CACNA2D3: variants seen among roughly 807,000 people sequenced by gnomAD.
CACNA2D3 encodes calcium voltage-gated channel auxiliary subunit alpha2delta 3, also known as voltage-dependent calcium channel subunit alpha-2/delta-3.
CACNA2D3 carries 60 observed loss-of-function variants against 160.6 expected under a neutral mutation model. That is an observed-to-expected ratio of 0.37 (90% CI 0.30 to 0.46). CACNA2D3 has a LOEUF of 0.46. Among genes scored for constraint, CACNA2D3 ranks in the 20% least tolerant of loss-of-function variants. CACNA2D3 has a pLI of 1.00. For synonymous variants in CACNA2D3, 558 were observed against 492.9 expected, an observed-to-expected ratio of 1.13 and a Z score of -1.75; for missense variants, 1,205 against 1,365.0, an observed-to-expected ratio of 0.88 and a Z score of 1.85.
At chr3:54,803,304 A>C (rs1575483680) in intron 13 of CACNA2D3, among the ~76,000 whole-genome samples, 2 of 152,296 alleles carry the variant, frequency 1.3e-5, no homozygotes, top group Admixed American at 1.3e-4. Context: ...AGAAGTTGAA[A>C]ACTTTGAAAA....
chr3:54,631,203 A>AAC (rs67944483), intron 10 of CACNA2D3, among the ~76,000 whole-genome samples: 18,844 of 145,648 alleles, frequency 0.13, 1,212 homozygotes, highest in Non-Finnish European at 0.15. Flanking sequence ...GACTCCATCA[A>AAC]ACACACACAC....
intron 3 of CACNA2D3, among the ~76,000 whole-genome samples, chr3:54,366,065 A>G (rs1296899852): frequency 1.3e-5 from 2 of 152,180 alleles, no homozygotes; most frequent in African/African-American, 4.8e-5. Flanking sequence ...TGATGTTTAC[A>G]ATATAATACA....
At chr3:54,149,932 C>CTCCCTCCCTCT (rs1559863353) in intron 2 of CACNA2D3, among the ~76,000 whole-genome samples, 7 of 23,808 alleles carry the variant, frequency 2.9e-4, no homozygotes, top group Non-Finnish European at 4.9e-4. Flanking sequence ...TCTCTCTCTC[C>CTCCCTCCCTCT]CTCCCTCCCT....
intron 20 of CACNA2D3, among the ~76,000 whole-genome samples, 169 bp downstream of exon 20, chr3:54,879,580 G>T (rs80108014): frequency 0.059 from 8,912 of 152,100 alleles, 797 homozygotes; most frequent in African/African-American, 0.2. Context: ...TTTTCCAGAA[G>T]GGGGGGAGAT....
At chr3:54,438,315 T>C (rs1700090356) in intron 4 of CACNA2D3, among the ~76,000 whole-genome samples, 1 of 152,204 alleles carries the variant, frequency 6.6e-6, no homozygotes, top group South Asian at 2.1e-4. Context: ...GAAGCTGATA[T>C]GTAAGGGGTT....
At chr3:54,877,510 G>A (rs1381291202) in intron 18 of CACNA2D3, among the ~76,000 whole-genome samples, 1 of 152,114 alleles carries the variant, frequency 6.6e-6, no homozygotes, top group African/African-American at 2.4e-5. Context: ...TTCAGAAGAG[G>A]AAGCTGAGTC....
At chr3:54,503,133 G>GCTGAT (rs1701319495) in intron 4 of CACNA2D3, among the ~76,000 whole-genome samples, 1 of 152,052 alleles carries the variant, frequency 6.6e-6, no homozygotes, top group Non-Finnish European at 1.5e-5. Flanking sequence ...GTTATTTTTT[G>GCTGAT]CTGATTTTCA....
At chr3:54,526,118 A>AT (rs1487306748) in intron 5 of CACNA2D3, among the ~76,000 whole-genome samples, 2 of 151,944 alleles carry the variant, frequency 1.3e-5, no homozygotes, top group African/African-American at 4.8e-5. Flanking sequence ...TCTCTAAAGA[A>AT]TTTTTTATTT....
rs1416562340 is a variant in CACNA2D3, at chr3:54,471,336, A to G, written c.382-32156A>G. On this transcript the variant is annotated intron_variant, in intron 4 of 37. Coordinates refer to ENST00000474759, the MANE Select transcript of CACNA2D3 (RefSeq NM_018398.3). ...TAACGAAATCAAGGCAGAAATATAT[A>G]AGTTCTTTGAAACCAATAAGAACAA... Among the ~76,000 whole-genome samples the G allele has an allele frequency of 4.6e-5, 7 of 152,330 alleles. No individual in the cohort carries two copies. In the East Asian group the frequency reaches 1.3e-3, roughly 29 times the overall value.
intron 21 of CACNA2D3, 67 bp from the exon 22 acceptor site, chr3:54,885,214 A>G: frequency 1.9e-6 from 3 of 1,562,766 alleles, no homozygotes; most frequent in South Asian, 2.2e-5. Flanking sequence ...ACCCTAGAAT[A>G]TTTGAAGCAC....
intron 14 of CACNA2D3, among the ~76,000 whole-genome samples, chr3:54,831,915 G>A (rs552341792): frequency 6.6e-6 from 1 of 151,908 alleles, no homozygotes; most frequent in African/African-American, 2.4e-5. Flanking sequence ...GGCATTGGTG[G>A]AATTGATCTT....
intron 11 of CACNA2D3, among the ~76,000 whole-genome samples, chr3:54,698,229 A>T (rs1700700624): frequency 6.6e-6 from 1 of 152,218 alleles, no homozygotes; most frequent in Admixed American, 6.5e-5. Context: ...AGTCTCAGGA[A>T]TGTGAATAGC....
rs73083991 is a variant in CACNA2D3, at chr3:54,153,806, T to C, written c.204+30212T>C. Among the ~76,000 whole-genome samples, 802 of 152,344 alleles carry C rather than the reference T, an allele frequency of 5.3e-3. 2 individuals carry two copies. Among genetic ancestry groups the C allele is most frequent in the Non-Finnish European group, 9.6e-3 (654 of 68,026 alleles). On this transcript the variant is annotated intron_variant, in intron 2 of 37. Coordinates refer to ENST00000474759, the MANE Select transcript of CACNA2D3 (RefSeq NM_018398.3). The stretch of plus-strand genomic sequence containing the variant: ...GTTCCAACCCACTAAATTAATTATA[T>C]TGCCTATTATTGGGTTGCCACTTGC...
intron 37 of CACNA2D3, 34 bp from the exon 38 acceptor site, chr3:55,074,080 T>C: frequency 6.4e-7 from 1 of 1,571,146 alleles, no homozygotes; most frequent in Non-Finnish European, 8.8e-7. Context: ...CTGGAGTCTA[T>C]TTCCGTCTAA....
chr3:54,778,865 A>C (rs972115704), intron 13 of CACNA2D3, among the ~76,000 whole-genome samples: 1 of 152,202 alleles, frequency 6.6e-6, no homozygotes, highest in Non-Finnish European at 1.5e-5. Context: ...TTCATTAGGC[A>C]TGTGATGAGT....
chr3:54,912,202 G>A (rs1047782854), intron 27 of CACNA2D3, among the ~76,000 whole-genome samples: 1 of 152,202 alleles, frequency 6.6e-6, no homozygotes, highest in Non-Finnish European at 1.5e-5. Context: ...GGACAAGCAA[G>A]AGAGAGTGAG....
At chr3:54,744,761 T>C (rs1701721263) in intron 11 of CACNA2D3, among the ~76,000 whole-genome samples, 1 of 152,230 alleles carries the variant, frequency 6.6e-6, no homozygotes, top group African/African-American at 2.4e-5. Flanking sequence ...TGCAGCAAGT[T>C]ATCTGAAATG....
intron 35 of CACNA2D3, among the ~76,000 whole-genome samples, chr3:55,036,883 C>G (rs773225157): frequency 1.3e-5 from 2 of 152,180 alleles, no homozygotes; most frequent in African/African-American, 4.8e-5. Context: ...TTCCTAAACA[C>G]ATGACTAGCC....
chr3:54,675,694 T>C (rs666071), intron 11 of CACNA2D3, among the ~76,000 whole-genome samples: 125,533 of 152,086 alleles, frequency 0.83, 53,748 homozygotes, highest in Non-Finnish European at 0.94. Context: ...TAAATGCACC[T>C]CCATAGTTGT....
Sources: gnomAD v4.1 joint callset for allele counts (sites outside exome capture counted in the v4.1 genomes callset) on GRCh38, gnomAD v4.1.1 for gene constraint, MANE v1.5 for transcripts, NCBI Gene and HGNC (gene_info 2026-07-23, HGNC 2026-07-21) for gene names.